TBC1D22B: variants seen among roughly 807,000 people sequenced by gnomAD.
TBC1D22B encodes TBC1 domain family member 22B, also known as chromosome 6 open reading frame 197.
In TBC1D22B, 32 loss-of-function variants were observed where a neutral mutation model predicts 69.1. The observed-to-expected ratio is 0.46, with a 90% CI of 0.35 to 0.62. The LOEUF (loss-of-function observed/expected upper bound fraction) is 0.62, where lower values mean the gene tolerates loss of function less well. Among genes scored for constraint, TBC1D22B ranks in the 20% least tolerant of loss-of-function variants. The probability of loss-of-function intolerance (pLI) is 0.00; values close to 1 mark genes in which losing one functional copy is unlikely to be tolerated. For missense variants in TBC1D22B, 462 were observed against 630.9 expected (o/e 0.73, Z 2.87); for synonymous variants, 206 against 229.8 (o/e 0.90, Z 0.94).
chr6:37,279,417 A>T lies in TBC1D22B; in HGVS notation c.227A>T (p.Glu76Val), dbSNP rs1766757701. Reference sequence around the variant, plus strand: ...GATGCTTGGGACATTGGCGATGATGAGGAAGAGGACTTTTCCTCACCTTCT... The same window carrying T: ...GATGCTTGGGACATTGGCGATGATGTGGAAGAGGACTTTTCCTCACCTTCT... ...TSDAWDIGDD[E>V]EEDFSSPSFQ... is the part of the protein sequence containing the mutation. Residue 76 changes from glutamate (E) to valine (V), a missense_variant, in exon 3 of 13, where the codon GAG becomes GTG. Around this residue, in one of 2 missense-constraint regions of TBC1D22B, gnomAD observed 237 missense variants for 255.4 expected, o/e 0.93. Coordinates refer to ENST00000373491, the MANE Select transcript of TBC1D22B (RefSeq NM_017772.4). The T allele has an allele frequency of 4.3e-6, 7 of 1,614,078 alleles. No homozygotes were observed. The highest frequency in any genetic ancestry group is 5.9e-6 in the Non-Finnish European group (7 of 1,180,046).
intron 12 of TBC1D22B, chr6:37,324,462 A>C: frequency 2.4e-6 from 1 of 417,126 alleles, no homozygotes; most frequent in Non-Finnish European, 4.9e-6. Flanking sequence ...ACTGTGGCCT[A>C]TTATGCACCA....
At chr6:37,279,683 C>T in intron 3 of TBC1D22B, 72 bp downstream of exon 3, 1 of 1,455,340 alleles carries the variant, frequency 6.9e-7, no homozygotes, top group Non-Finnish European at 9.2e-7. Context: ...AGCGATTTTT[C>T]TTTGGGGCCT....
chr6:37,267,426 A>AAT (rs1480337415), intron 1 of TBC1D22B, among the ~76,000 whole-genome samples: 1 of 134,762 alleles, frequency 7.4e-6, no homozygotes, highest in East Asian at 2.0e-4. Flanking sequence ...ATACACATAT[A>AAT]ATATATATAC....
intron 1 of TBC1D22B, among the ~76,000 whole-genome samples, chr6:37,260,141 C>G (rs1400112859): frequency 6.6e-6 from 1 of 152,134 alleles, no homozygotes; most frequent in Non-Finnish European, 1.5e-5. Context: ...AACTAAGGTT[C>G]TTTTAGATAG....
intron 12 of TBC1D22B, among the ~76,000 whole-genome samples, chr6:37,330,625 G>T (rs1239206913): frequency 6.6e-6 from 1 of 152,138 alleles, no homozygotes; most frequent in Non-Finnish European, 1.5e-5. Context: ...CAGCTTGGGT[G>T]ACAGAGCGAG....
intron 1 of TBC1D22B, among the ~76,000 whole-genome samples, chr6:37,260,428 AAG>A (rs1766048745): frequency 6.6e-6 from 1 of 152,254 alleles, no homozygotes. Context: ...TATTAAATAA[AAG>A]AAGTTGCAAA....
chr6:37,263,845 A>G (rs1230450673), intron 1 of TBC1D22B, among the ~76,000 whole-genome samples: 1 of 152,200 alleles, frequency 6.6e-6, no homozygotes, highest in Non-Finnish European at 1.5e-5. Context: ...TGGCCTCCCA[A>G]AGTGCTGGGA....
chr6:37,279,553 C>G lies in TBC1D22B; in HGVS notation c.363C>G (p.Val121=). The G allele has an allele frequency of 6.2e-7, 1 of 1,614,222 alleles. No homozygotes were observed. The highest frequency in any genetic ancestry group is 8.5e-7 in the Non-Finnish European group (1 of 1,180,034). Reference sequence around the variant, plus strand: ...GGTCCCAGTCAACGACATCGGACGTCCCTGCCAACTACAAGGTCATAAAGT... The same window carrying G: ...GGTCCCAGTCAACGACATCGGACGTGCCTGCCAACTACAAGGTCATAAAGT... ...PERSQSTTSD[V]PANYKVIKSS... is the part of the protein sequence containing the mutation. Residue 121 remains valine (V), a synonymous_variant, in exon 3 of 13, where the codon GTC becomes GTG. Transcript: ENST00000373491.
chr6:37,290,685 G>A (rs1184326037), intron 7 of TBC1D22B, among the ~76,000 whole-genome samples: 4 of 152,152 alleles, frequency 2.6e-5, no homozygotes, highest in Non-Finnish European at 5.9e-5. Context: ...ATCCTGATAT[G>A]TGAACTGACT....
intron 3 of TBC1D22B, among the ~76,000 whole-genome samples, chr6:37,279,922 A>G (rs1766774838): frequency 6.6e-6 from 1 of 152,178 alleles, no homozygotes; most frequent in Admixed American, 6.5e-5. Context: ...ATTGCTTCAC[A>G]TTGCTTTAGG....
intron 6 of TBC1D22B, among the ~76,000 whole-genome samples, chr6:37,285,705 C>A (rs1221047247): frequency 6.6e-6 from 1 of 152,212 alleles, no homozygotes; most frequent in Non-Finnish European, 1.5e-5. Context: ...GTTGGCCAGG[C>A]TGGTCTTGAA....
chr6:37,269,995 T>G (rs1362418518), intron 2 of TBC1D22B, among the ~76,000 whole-genome samples: 1 of 152,184 alleles, frequency 6.6e-6, no homozygotes, highest in African/African-American at 2.4e-5. Flanking sequence ...GGAGATCTGG[T>G]TTCTGAGGCT....
chr6:37,264,472 C>G (rs114032013), intron 1 of TBC1D22B, among the ~76,000 whole-genome samples: 3,912 of 152,184 alleles, frequency 0.026, 79 homozygotes, highest in Non-Finnish European at 0.042. Flanking sequence ...GCCACCAAGC[C>G]CAGCTAATTT....
chr6:37,313,606 G>A (rs1048366354), intron 9 of TBC1D22B, among the ~76,000 whole-genome samples: 6 of 152,138 alleles, frequency 3.9e-5, no homozygotes, highest in African/African-American at 1.4e-4. Context: ...TGTACCCCAA[G>A]CACATGGGTT....
At chr6:37,260,986 C>T (rs918563676) in intron 1 of TBC1D22B, among the ~76,000 whole-genome samples, 2 of 152,110 alleles carry the variant, frequency 1.3e-5, no homozygotes, top group Non-Finnish European at 2.9e-5. Context: ...ATTTTCTATT[C>T]TTCTGCTGAT....
intron 6 of TBC1D22B, among the ~76,000 whole-genome samples, chr6:37,285,076 G>T (rs918424945): frequency 6.6e-6 from 1 of 152,150 alleles, no homozygotes. Context: ...ATCACATGTG[G>T]AGGGAGGAGA....
chr6:37,262,227 T>C (rs1337536648), intron 1 of TBC1D22B, among the ~76,000 whole-genome samples: 1 of 152,012 alleles, frequency 6.6e-6, no homozygotes, highest in Non-Finnish European at 1.5e-5. Context: ...GAAGGGGGTT[T>C]CGCCATGTTG....
At chr6:37,300,234 C>A (rs983584580) in intron 8 of TBC1D22B, among the ~76,000 whole-genome samples, 1 of 151,922 alleles carries the variant, frequency 6.6e-6, no homozygotes, top group African/African-American at 2.4e-5. Context: ...CATAATATTA[C>A]GTAATTTTAA....
intron 12 of TBC1D22B, among the ~76,000 whole-genome samples, chr6:37,329,143 C>A (rs776561932): frequency 7.9e-5 from 12 of 152,154 alleles, no homozygotes; most frequent in Non-Finnish European, 1.5e-4. Context: ...CAAAGGGTAA[C>A]CACTGTGAAC....
Sources: gnomAD v4.1 joint callset for allele counts (sites outside exome capture counted in the v4.1 genomes callset) on GRCh38, gnomAD v4.1.1 for gene constraint, gnomAD v4.1.1 regional missense constraint, MANE v1.5 for transcripts, NCBI Gene and HGNC (gene_info 2026-07-23, HGNC 2026-07-21) for gene names.